PSMB7: variants seen among roughly 807,000 people sequenced by gnomAD.
The protein encoded by PSMB7 is proteasome 20S subunit beta 7.
In PSMB7, 5 loss-of-function variants were observed where a neutral mutation model predicts 28.1. The ratio of observed to expected loss-of-function variants is 0.18; its 90% CI spans 0.09 to 0.37. The LOEUF (loss-of-function observed/expected upper bound fraction) is 0.37, where lower values mean the gene tolerates loss of function less well. Among genes scored for constraint, PSMB7 ranks in the 10% least tolerant of loss-of-function variants. The pLI is 1.00. For missense variants in PSMB7, 275 were observed against 346.2 expected (o/e 0.79, Z 1.63); for synonymous variants, 122 against 123.7 (o/e 0.99, Z 0.09).
At chr9:124,391,688 CCT>C (rs1830789378) in intron 5 of PSMB7, among the ~76,000 whole-genome samples, 1 of 151,572 alleles carries the variant, frequency 6.6e-6, no homozygotes, top group Non-Finnish European at 1.5e-5. Flanking sequence ...TTTTCTAAAA[CCT>C]CTGAAGGTGT....
intron 6 of PSMB7, among the ~76,000 whole-genome samples, chr9:124,379,090 T>C (rs1324566456): frequency 6.6e-6 from 1 of 152,176 alleles, no homozygotes; most frequent in African/African-American, 2.4e-5. Flanking sequence ...ACTTACACAT[T>C]TCAAAATCCC....
intron 2 of PSMB7, 116 bp downstream of exon 2, chr9:124,414,726 G>A (rs1036379670): frequency 2.5e-6 from 2 of 793,352 alleles, no homozygotes; most frequent in African/African-American, 3.4e-5. Context: ...ACGGTCTCCT[G>A]ATGTATTCTA....
intron 6 of PSMB7, among the ~76,000 whole-genome samples, chr9:124,373,492 C>T (rs534314014): frequency 6.6e-6 from 1 of 152,252 alleles, no homozygotes; most frequent in African/African-American, 2.4e-5. Context: ...CAGAAATAGC[C>T]TCAGGGGGAG....
chr9:124,376,296 C>T, intron 6 of PSMB7, among the ~76,000 whole-genome samples: 1 of 151,392 alleles, frequency 6.6e-6, no homozygotes, highest in East Asian at 1.9e-4. Context: ...GAAAACAGCT[C>T]TCCTGTAAAA....
intron 6 of PSMB7, among the ~76,000 whole-genome samples, chr9:124,366,774 T>C (rs949912027): frequency 6.6e-5 from 10 of 152,268 alleles, no homozygotes; most frequent in Non-Finnish European, 1.3e-4. Flanking sequence ...TTTCTCCATT[T>C]ATATGTTTAG....
At chr9:124,401,641 G>A (rs908327255) in intron 5 of PSMB7, among the ~76,000 whole-genome samples, 1 of 152,172 alleles carries the variant, frequency 6.6e-6, no homozygotes, top group East Asian at 1.9e-4. Context: ...TCCCCCATTA[G>A]ACTGAGTATC....
intron 6 of PSMB7, among the ~76,000 whole-genome samples, chr9:124,382,646 C>G (rs1234376623): frequency 1.3e-5 from 2 of 152,200 alleles, no homozygotes; most frequent in Non-Finnish European, 2.9e-5. Flanking sequence ...TATGGCCAAT[C>G]TGTTTCAAGG....
intron 5 of PSMB7, among the ~76,000 whole-genome samples, chr9:124,393,172 C>T (rs139270448): frequency 0.019 from 2,868 of 152,270 alleles, 42 homozygotes; most frequent in Middle Eastern, 0.041. Context: ...AAGGCGGGCA[C>T]CAGGGGACCA....
chr9:124,402,139 G>A (rs1246807792), intron 5 of PSMB7, among the ~76,000 whole-genome samples: 1 of 152,090 alleles, frequency 6.6e-6, no homozygotes, highest in African/African-American at 2.4e-5. Flanking sequence ...GGCATTTTAG[G>A]GCAGCAAAAC....
At chr9:124,379,774 G>A (rs536650287) in intron 6 of PSMB7, among the ~76,000 whole-genome samples, 3 of 152,290 alleles carry the variant, frequency 2.0e-5, no homozygotes, top group Non-Finnish European at 2.9e-5. Flanking sequence ...AATACTGCAC[G>A]CTGTTTGAGA....
intron 6 of PSMB7, among the ~76,000 whole-genome samples, chr9:124,381,492 T>C (rs1830664155): frequency 6.6e-6 from 1 of 152,234 alleles, no homozygotes; most frequent in Admixed American, 6.5e-5. Context: ...GCTATTCTCC[T>C]GGCTTTCTGT....
At chr9:124,409,804 G>T (rs1363058390) in intron 4 of PSMB7, among the ~76,000 whole-genome samples, 1 of 152,112 alleles carries the variant, frequency 6.6e-6, no homozygotes, top group African/African-American at 2.4e-5. Context: ...GGTGGGAGAT[G>T]AACCAAAGTT....
Position 124,367,521 on chromosome 9 carries a change from A to G in PSMB7, c.571-10606T>C, listed in dbSNP as rs1038959205. On this transcript the variant is annotated intron_variant, in intron 6 of 7. Coordinates refer to ENST00000259457, the MANE Select transcript of PSMB7 (RefSeq NM_002799.4). ...AGGGGGTCTCAAAAAGGCATAAGGA[A>G]GCTTCAGGGCTCTGGAACTGATGAA... Among the ~76,000 whole-genome samples the G allele has an allele frequency of 7.2e-5, 11 of 152,046 alleles. No individual in the cohort carries two copies. In the East Asian group the frequency reaches 2.1e-3, roughly 30 times the overall value.
In PSMB7 at chr9:124,356,593, A is replaced by G. The variant is rs868854227; in HGVS notation, c.722+171T>C. Among the ~76,000 whole-genome samples, 1 of 152,166 alleles carries G rather than the reference A, an allele frequency of 6.6e-6. No homozygotes were observed. Among genetic ancestry groups the G allele is most frequent in the South Asian group, 2.1e-4 (1 of 4,828 alleles). On this transcript the variant is annotated intron_variant, in intron 7 of 7. Coordinates refer to ENST00000259457, the MANE Select transcript of PSMB7 (RefSeq NM_002799.4). The surrounding 1 kb of genome is among the most constrained non-coding windows in gnomAD (Gnocchi z 4.4). ...ACTTTCCTACACCTGACAGCAGCCC[A>G]CTGTCATAAAGCAAGTAACAAGCCG...
chr9:124,395,732 G>T (rs552730644), intron 5 of PSMB7, among the ~76,000 whole-genome samples: 1 of 152,144 alleles, frequency 6.6e-6, no homozygotes, highest in African/African-American at 2.4e-5. Context: ...AGAAATAGGG[G>T]TTATGAGGTT....
At chr9:124,414,139 C>A in intron 2 of PSMB7, 134 bp from the exon 3 acceptor site, 1 of 573,040 alleles carries the variant, frequency 1.7e-6, no homozygotes, top group Non-Finnish European at 3.1e-6. Context: ...AAACTCATAG[C>A]AAAAATATTG....
At chr9:124,367,500 G>T (rs1830518989) in intron 6 of PSMB7, among the ~76,000 whole-genome samples, 1 of 151,844 alleles carries the variant, frequency 6.6e-6, no homozygotes, top group Admixed American at 6.6e-5. Context: ...GGGAGGAGGG[G>T]GTCTCAAAAA....
intron 6 of PSMB7, among the ~76,000 whole-genome samples, chr9:124,359,488 A>T (rs996896423): frequency 3.9e-5 from 6 of 152,156 alleles, no homozygotes; most frequent in Non-Finnish European, 5.9e-5. Context: ...ATGGTCAGAA[A>T]CTCTGGCTGA....
chr9:124,395,999 G>A (rs1394545593), intron 5 of PSMB7, among the ~76,000 whole-genome samples: 2 of 152,164 alleles, frequency 1.3e-5, no homozygotes, highest in East Asian at 1.9e-4. Flanking sequence ...TGCTTCTAAA[G>A]CCTCTTATAC....
Sources: gnomAD v4.1 joint callset for allele counts (sites outside exome capture counted in the v4.1 genomes callset) on GRCh38, gnomAD v4.1.1 for gene constraint, Gnocchi (gnomAD v3.1) non-coding constraint, MANE v1.5 for transcripts, NCBI Gene and HGNC (gene_info 2026-07-23, HGNC 2026-07-21) for gene names.